FBLN5: variants seen among roughly 807,000 people sequenced by gnomAD.
FBLN5 encodes the protein fibulin 5.
Under a neutral mutation model 61.6 loss-of-function variants are expected in FBLN5, and 24 were observed. The observed-to-expected ratio is 0.39, with a 90% CI of 0.28 to 0.55. The LOEUF (loss-of-function observed/expected upper bound fraction) is 0.55. FBLN5 is among the 20% of genes least tolerant of loss of function. The probability of loss-of-function intolerance (pLI) is 0.65; values close to 1 mark genes in which losing one functional copy is unlikely to be tolerated. For synonymous variants in FBLN5, 213 were observed against 219.8 expected (o/e 0.97, Z 0.27); for missense variants, 470 against 594.1 (o/e 0.79, Z 2.17).
At chr14:91,894,399 T>A (rs1448939246) in intron 5 of FBLN5, among the ~76,000 whole-genome samples, 4 of 20,332 alleles carry the variant, frequency 2.0e-4, no homozygotes, top group African/African-American at 1.5e-4. Context: ...GGAGACACCA[T>A]ATCAAAAAAA....
At chr14:91,919,456 CA>C (rs1215020904) in intron 4 of FBLN5, among the ~76,000 whole-genome samples, 4 of 150,466 alleles carry the variant, frequency 2.7e-5, no homozygotes, top group African/African-American at 9.8e-5. Flanking sequence ...TCTCTGACCT[CA>C]AAAGGGTCCC....
At chr14:91,894,429 C>CAAAAAAA (rs1890132731) in intron 5 of FBLN5, among the ~76,000 whole-genome samples, 3 of 50,004 alleles carry the variant, frequency 6.0e-5, no homozygotes, top group African/African-American at 5.8e-5. Context: ...AAAAAAAAAC[C>CAAAAAAA]GAAAAAAACC....
At chr14:91,918,626 G>C (rs1300833543) in intron 4 of FBLN5, among the ~76,000 whole-genome samples, 1 of 152,158 alleles carries the variant, frequency 6.6e-6, no homozygotes, top group Admixed American at 6.5e-5. Flanking sequence ...TATAAATCCA[G>C]TAGCTTGACT....
chr14:91,903,568 C>T (rs1265688990), intron 4 of FBLN5, among the ~76,000 whole-genome samples: 1 of 152,144 alleles, frequency 6.6e-6, no homozygotes, highest in Non-Finnish European at 1.5e-5. Context: ...TCCTTCTTCT[C>T]ATTCCCTCTG....
At chr14:91,941,909 C>T in intron 2 of FBLN5, 1 of 345,462 alleles carries the variant, frequency 2.9e-6, no homozygotes, top group Non-Finnish European at 5.7e-6. Flanking sequence ...CATGTGTACA[C>T]CATGAGGCTG....
intron 1 of FBLN5, chr14:91,946,957 T>C: frequency 6.8e-7 from 1 of 1,460,466 alleles, no homozygotes; most frequent in Non-Finnish European, 9.0e-7. Flanking sequence ...AATGAAGCGC[T>C]GAGAATTTCG....
chr14:91,885,110 C>A (rs957133829), intron 7 of FBLN5, among the ~76,000 whole-genome samples: 1 of 152,152 alleles, frequency 6.6e-6, no homozygotes, highest in African/African-American at 2.4e-5. Context: ...TGGAGAAGTG[C>A]AGAAAGGGGT....
rs142145838 is a variant in FBLN5 at position 91,921,129 on chromosome 14, G to A, written c.379+15818C>T. ...CCCAGAAAGTAAAATCCGTCACCTG[G>A]GATTTTATGAAAATTATCCATGTAA... On this transcript the variant is annotated intron_variant, in intron 4 of 10. Transcript: ENST00000342058. Among the ~76,000 whole-genome samples the A allele has an allele frequency of 2.4e-3, 364 of 152,118 alleles. 3 individuals are homozygous for A. Among genetic ancestry groups the A allele is most frequent in the African/African-American group, 7.7e-3 (319 of 41,476 alleles).
rs78115953 is a variant in FBLN5, at chr14:91,923,004, A to G, written c.379+13943T>C. Reference sequence around the variant, plus strand: ...AATTAGCCCCTACAGCTTAGACTACATGCAAAATCAATGCCTCAAATGAGA... The same window carrying G: ...AATTAGCCCCTACAGCTTAGACTACGTGCAAAATCAATGCCTCAAATGAGA... On this transcript the variant is annotated intron_variant, in intron 4 of 10. Transcript: ENST00000342058. Among the ~76,000 whole-genome samples the G allele has an allele frequency of 3.7e-3, 568 of 152,298 alleles. 4 individuals carry two copies. Among genetic ancestry groups the G allele is most frequent in the African/African-American group, 0.013 (536 of 41,564 alleles).
chr14:91,915,618 C>T (rs1460652204), intron 4 of FBLN5, among the ~76,000 whole-genome samples: 43 of 126,560 alleles, frequency 3.4e-4, no homozygotes, highest in Non-Finnish European at 5.7e-4. Flanking sequence ...ACCCGGGAGG[C>T]GGAGGTTGCA....
chr14:91,942,090 G>A, intron 2 of FBLN5: 1 of 455,242 alleles, frequency 2.2e-6, no homozygotes, highest in Admixed American at 2.4e-5. Flanking sequence ...CTTCTTTCCT[G>A]AGCCAGAGAC....
intron 4 of FBLN5, among the ~76,000 whole-genome samples, chr14:91,895,742 G>A (rs1890195276): frequency 7.1e-6 from 1 of 141,670 alleles, no homozygotes. Context: ...AGGCTGCAGT[G>A]AGCCGAGATC....
At chr14:91,895,557 G>A (rs1890187189) in intron 4 of FBLN5, among the ~76,000 whole-genome samples, 1 of 151,698 alleles carries the variant, frequency 6.6e-6, no homozygotes, top group Non-Finnish European at 1.5e-5. Flanking sequence ...CCAGCACTTT[G>A]GGAGGCTGAG....
intron 10 of FBLN5, among the ~76,000 whole-genome samples, chr14:91,875,191 A>C (rs532871825): frequency 6.6e-6 from 1 of 152,304 alleles, no homozygotes; most frequent in South Asian, 2.1e-4. Context: ...GGTTTTCAAA[A>C]AAAGAAAAAC....
chr14:91,908,082 T>C (rs2267998), intron 4 of FBLN5, among the ~76,000 whole-genome samples: 11,918 of 152,280 alleles, frequency 0.078, 598 homozygotes, highest in Non-Finnish European at 0.11. Flanking sequence ...TCTTAATAAA[T>C]GCTTTTCCAA....
chr14:91,881,088 G>T (rs1473915121), intron 9 of FBLN5, among the ~76,000 whole-genome samples: 2 of 151,278 alleles, frequency 1.3e-5, no homozygotes, highest in African/African-American at 4.9e-5. Context: ...TTCTATTCCA[G>T]TCTGTTCTAT....
At chr14:91,908,828 G>C (rs1481418304) in intron 4 of FBLN5, among the ~76,000 whole-genome samples, 2 of 152,138 alleles carry the variant, frequency 1.3e-5, no homozygotes, top group African/African-American at 4.8e-5. Context: ...GTGTACATAA[G>C]AGTGTCTTTG....
chr14:91,892,777 G>C (rs1378387343), intron 5 of FBLN5, among the ~76,000 whole-genome samples: 4 of 152,206 alleles, frequency 2.6e-5, no homozygotes, highest in African/African-American at 9.7e-5. Flanking sequence ...TGCAAAAGCA[G>C]CATCTTCAGT....
chr14:91,881,129 A>C (rs1308824167), intron 9 of FBLN5, among the ~76,000 whole-genome samples, 163 bp downstream of exon 9: 86 of 117,074 alleles, frequency 7.3e-4, no homozygotes, highest in African/African-American at 2.2e-3. Context: ...CTACACACAC[A>C]CACACACACA....
Sources: allele counts gnomAD v4.1 joint callset (sites outside exome capture counted in the v4.1 genomes callset), GRCh38; gene constraint gnomAD v4.1.1; transcripts MANE v1.5; gene names NCBI Gene and HGNC (gene_info 2026-07-23, HGNC 2026-07-21).